The following MMUT variants were observed in gnomAD, a reference collection of about 807,000 sequenced individuals.
The protein encoded by MMUT is methylmalonyl-CoA mutase, mitochondrial.
In MMUT, 79 loss-of-function variants were observed where a neutral mutation model predicts 79.9. The ratio of observed to expected loss-of-function variants is 0.99; its 90% confidence interval spans 0.82 to 1.19. The LOEUF is 1.19. Ranked by LOEUF, MMUT falls within the 50% of genes most tolerant of loss-of-function variation. MMUT has a pLI of 0.00. For synonymous variants in MMUT, 273 were observed against 295.7 expected (o/e 0.92, Z 0.79); for missense variants, 860 against 917.2 (o/e 0.94, Z 0.81).
In MMUT at chr6:49,446,569, C is replaced by T. The variant is rs189063000; in HGVS notation, c.1560+1101G>A. ...AAATGAGACTCTCCAATCATTAGTT[C>T]CCTCATCTGTAAATGGAAATAAAAA... is the stretch of plus-strand genomic sequence containing the variant. On this transcript the variant is annotated intron_variant, in intron 8 of 12. Transcript: ENST00000274813. Among the ~76,000 whole-genome samples the T allele has an allele frequency of 2.8e-4, 43 of 151,816 alleles. 2 individuals are homozygous for T. In the East Asian group the frequency reaches 6.8e-3, roughly 24 times the overall value.
At chr6:49,433,721 G>T (rs1361963594) in intron 12 of MMUT, among the ~76,000 whole-genome samples, 1 of 152,176 alleles carries the variant, frequency 6.6e-6, no homozygotes, top group African/African-American at 2.4e-5. Flanking sequence ...CATGGCAGAA[G>T]CTGTATCTGT....
intron 11 of MMUT, among the ~76,000 whole-genome samples, chr6:49,436,791 T>C (rs1767143378): frequency 6.6e-6 from 1 of 152,074 alleles, no homozygotes; most frequent in Non-Finnish European, 1.5e-5. Flanking sequence ...TGCAGGAACA[T>C]GGATGAAGCT....
At chr6:49,444,101 GACTAGTA>G (rs1767347493) in intron 9 of MMUT, among the ~76,000 whole-genome samples, 1 of 151,994 alleles carries the variant, frequency 6.6e-6, no homozygotes, top group Non-Finnish European at 1.5e-5. Flanking sequence ...GGAGATAAAA[GACTAGTA>G]ACAATTAATA....
chr6:49,456,272 T>C lies in MMUT; in HGVS notation c.754-35A>G, dbSNP rs1215483504. 2.1e-6 allele frequency: 3 copies of C among 1,401,992 alleles called. No homozygotes were observed. In the Admixed American group the frequency reaches 5.1e-5, roughly 24 times the overall value. 86.8% of individuals were successfully genotyped at this position (1,401,992 alleles called of 1,614,324 possible). On this transcript the variant is annotated intron_variant, in intron 3 of 12. Coordinates refer to ENST00000274813, the MANE Select transcript of MMUT (RefSeq NM_000255.4). ...AAAAAAAATTGTAACAGTGAATAAG[T>C]AAAAATATTAAAAGGTCCTATTAAA...
chr6:49,441,058 A>C (rs1767260174), intron 10 of MMUT, among the ~76,000 whole-genome samples: 1 of 152,214 alleles, frequency 6.6e-6, no homozygotes, highest in South Asian at 2.1e-4. Context: ...TTGTTAAAAG[A>C]AAAAAGTTCC....
At chr6:49,454,554 C>T (rs1026873958) in intron 4 of MMUT, among the ~76,000 whole-genome samples, 4 of 152,136 alleles carry the variant, frequency 2.6e-5, no homozygotes, top group Non-Finnish European at 4.4e-5. Context: ...GTGATCTGTC[C>T]GCCTCGGTCA....
chr6:49,441,112 G>A (rs1767261319), intron 10 of MMUT, among the ~76,000 whole-genome samples: 1 of 152,098 alleles, frequency 6.6e-6, no homozygotes, highest in Non-Finnish European at 1.5e-5. Flanking sequence ...TTTATCTAGT[G>A]TACAAGTATG....
intron 9 of MMUT, chr6:49,443,872 G>A (rs1241011924): frequency 3.3e-5 from 13 of 389,010 alleles, no homozygotes; most frequent in Non-Finnish European, 6.7e-5. Flanking sequence ...TTAAATGCAG[G>A]ATGACAAAAG....
Position 49,431,545 on chromosome 6 carries a change from A to T in MMUT, c.*183T>A. Reference sequence around the variant, plus strand: ...TTAGGGATTTTTTTTTTATTTTTGAAGTGAAACTGTATGTACATACTTATA... The same window carrying T: ...TTAGGGATTTTTTTTTTATTTTTGATGTGAAACTGTATGTACATACTTATA... On this transcript the variant is annotated 3_prime_UTR_variant, in exon 13 of 13. Coordinates refer to ENST00000274813, the MANE Select transcript of MMUT (RefSeq NM_000255.4). 1.9e-6 allele frequency: 1 copy of T among 537,746 alleles called. No homozygotes were observed. Among genetic ancestry groups the T allele is most frequent in the African/African-American group, 1.9e-5 (1 of 52,084 alleles). 33.3% of individuals were successfully genotyped at this position (537,746 alleles called of 1,614,324 possible).
chr6:49,451,829 A>T (rs1767562033), intron 5 of MMUT, 115 bp from the exon 6 acceptor site: 2 of 1,162,054 alleles, frequency 1.7e-6, no homozygotes, highest in Admixed American at 4.4e-5. Flanking sequence ...CAATTTCCAT[A>T]TTAAGCTTCA....
At chr6:49,459,052 T>A (rs483352785) in intron 2 of MMUT, 30 bp downstream of exon 2, 1 of 1,607,182 alleles carries the variant, frequency 6.2e-7, no homozygotes, top group Admixed American at 1.7e-5. Context: ...TGACTTATCA[T>A]AAATATTATG....
chr6:49,447,840 C>T (rs1454357317), intron 7 of MMUT, 55 bp from the exon 8 acceptor site: 13 of 965,350 alleles, frequency 1.3e-5, no homozygotes, highest in Non-Finnish European at 2.2e-5. Flanking sequence ...AATTGTAATG[C>T]TCTGGTTATG....
chr6:49,440,066 G>T, intron 11 of MMUT, 140 bp downstream of exon 11: 3 of 1,140,950 alleles, frequency 2.6e-6, no homozygotes, highest in Non-Finnish European at 3.9e-6. Flanking sequence ...GGAGAGAAAG[G>T]CATTTGCCAA....
At chr6:49,461,804 C>G (rs922290488) in intron 1 of MMUT, among the ~76,000 whole-genome samples, 23 of 152,056 alleles carry the variant, frequency 1.5e-4, no homozygotes, top group African/African-American at 5.3e-4. Context: ...TTTTTTAATA[C>G]TAGCACGATT....
At chr6:49,446,342 A>G (rs1767409678) in intron 8 of MMUT, among the ~76,000 whole-genome samples, 1 of 151,954 alleles carries the variant, frequency 6.6e-6, no homozygotes, top group Non-Finnish European at 1.5e-5. Flanking sequence ...GCAGAAATAT[A>G]TTTTGCTATA....
At chr6:49,460,642 A>G (rs529043341) in intron 1 of MMUT, among the ~76,000 whole-genome samples, 1 of 152,348 alleles carries the variant, frequency 6.6e-6, no homozygotes, top group South Asian at 2.1e-4. Flanking sequence ...TCAGAGTCAT[A>G]CAGCGTAAAC....
At chr6:49,455,133 AAT>A (rs573545747) in intron 4 of MMUT, among the ~76,000 whole-genome samples, 28 of 150,914 alleles carry the variant, frequency 1.9e-4, no homozygotes, top group East Asian at 1.9e-4. Context: ...TTCTTAAAAA[AAT>A]ATATATATAT....
chr6:49,433,099 T>C (rs114898652), intron 12 of MMUT, among the ~76,000 whole-genome samples: 387 of 152,372 alleles, frequency 2.5e-3, no homozygotes, highest in Non-Finnish European at 2.6e-3. Context: ...TCCAATCTGT[T>C]TCCCCAGTAC....
chr6:49,436,179 A>T (rs1288189634), intron 11 of MMUT, among the ~76,000 whole-genome samples: 1 of 152,138 alleles, frequency 6.6e-6, no homozygotes, highest in East Asian at 1.9e-4. Flanking sequence ...TGTTGGTGAG[A>T]GTGTAAATTA....
Sources: allele counts gnomAD v4.1 joint callset (sites outside exome capture counted in the v4.1 genomes callset), GRCh38; gene constraint gnomAD v4.1.1; transcripts MANE v1.5; gene names NCBI Gene and HGNC (gene_info 2026-07-23, HGNC 2026-07-21).